ARIH2: variants seen among roughly 807,000 people sequenced by gnomAD.
ARIH2 encodes ariadne RBR E3 ubiquitin protein ligase 2, also known as E3 ubiquitin-protein ligase ARIH2.
In ARIH2, 12 loss-of-function variants were observed where a neutral mutation model predicts 79.8. The observed-to-expected ratio is 0.15, with a 90% CI of 0.10 to 0.24. ARIH2 has a LOEUF of 0.24. Among genes scored for constraint, ARIH2 ranks in the 10% least tolerant of loss-of-function variants. The probability of loss-of-function intolerance (pLI) is 1.00; values close to 1 mark genes in which losing one functional copy is unlikely to be tolerated. For missense variants in ARIH2, 301 were observed against 618.3 expected, an observed-to-expected ratio of 0.49 and a Z score of 5.44; for synonymous variants, 224 against 213.9, an observed-to-expected ratio of 1.05 and a Z score of -0.41.
chr3:48,922,377 C>G (rs907781839), intron 1 of ARIH2: 1 of 151,430 alleles, frequency 6.6e-6, no homozygotes, highest in Non-Finnish European at 1.5e-5. Flanking sequence ...GATCTCACCT[C>G]ACTGCAACCT....
intron 2 of ARIH2, chr3:48,927,227 C>T (rs1297027556): frequency 3.5e-6 from 1 of 288,374 alleles, no homozygotes; most frequent in East Asian, 8.3e-5. Context: ...CCTGTCATGC[C>T]AGGCCTTTCA....
intron 11 of ARIH2, among the ~76,000 whole-genome samples, chr3:48,978,640 C>G (rs944823596): frequency 6.6e-6 from 1 of 151,102 alleles, no homozygotes; most frequent in Non-Finnish European, 1.5e-5. Flanking sequence ...TGATTATGAA[C>G]CATTGGATAG....
intron 3 of ARIH2, among the ~76,000 whole-genome samples, chr3:48,956,607 CTTGATGTGGGGA>C: frequency 6.7e-6 from 1 of 150,102 alleles, no homozygotes; most frequent in Non-Finnish European, 1.5e-5. Flanking sequence ...TCACCCCCAC[CTTGATGTGGGGA>C]TCCCAGTAGT....
At chr3:48,969,416 CT>C (rs756103195) in intron 7 of ARIH2, among the ~76,000 whole-genome samples, 31 of 151,974 alleles carry the variant, frequency 2.0e-4, no homozygotes, top group African/African-American at 6.0e-4. Context: ...TTTTGGAGTC[CT>C]TTCCCTCTAT....
chr3:48,919,940 G>T (rs941626878), intron 1 of ARIH2, among the ~76,000 whole-genome samples: 2 of 151,750 alleles, frequency 1.3e-5, no homozygotes, highest in Non-Finnish European at 2.9e-5. Flanking sequence ...TGGTTGTTAG[G>T]TCCCCTGAAC....
At chr3:48,964,027 A>T (rs1035414628) in intron 4 of ARIH2, among the ~76,000 whole-genome samples, 3 of 150,774 alleles carry the variant, frequency 2.0e-5, no homozygotes, top group African/African-American at 4.9e-5. Context: ...TTTTATTTTT[A>T]TTTTTATTTT....
intron 4 of ARIH2, among the ~76,000 whole-genome samples, chr3:48,962,937 T>C (rs934842690): frequency 2.6e-5 from 4 of 152,088 alleles, no homozygotes; most frequent in African/African-American, 9.7e-5. Flanking sequence ...GGCACAACCT[T>C]GGCTCACTGC....
At chr3:48,921,803 G>A (rs2106797534) in intron 1 of ARIH2, among the ~76,000 whole-genome samples, 1 of 151,346 alleles carries the variant, frequency 6.6e-6, no homozygotes, top group South Asian at 2.1e-4. Context: ...CTAGACTGGA[G>A]TGTAGTGGCG....
At chr3:48,947,839 T>C (rs1465056017) in intron 3 of ARIH2, among the ~76,000 whole-genome samples, 1 of 152,254 alleles carries the variant, frequency 6.6e-6, no homozygotes, top group African/African-American at 2.4e-5. Flanking sequence ...TGCTAATCTG[T>C]TGCTGCATTT....
In ARIH2 at chr3:48,981,702, A is replaced by T; in HGVS notation, c.1300A>T (p.Met434Leu). The change falls in exon 14 of 16, where the codon ATG becomes TTG. Residue 434 changes from methionine (M) to leucine (L), a missense_variant. By Grantham distance (15) the Met-to-Leu change is conservative. Transcript: ENST00000356401. ...ATACACCTACCCATATGCATATTAC[A>T]TGGAGTCCGGACCCAGGAAGAAGCT... is the stretch of plus-strand genomic sequence containing the variant. ...LQYTYPYAYY[M>L]ESGPRKKLFE... 1.9e-6 allele frequency: 3 copies of T among 1,613,914 alleles called. No homozygotes were observed. Among genetic ancestry groups the T allele is most frequent in the Non-Finnish European group, 2.5e-6 (3 of 1,179,858 alleles).
At chr3:48,982,668 GGAGTGGACCTTTTGAGGGTC>G in intron 14 of ARIH2, 1 of 524,220 alleles carries the variant, frequency 1.9e-6, no homozygotes, top group Non-Finnish European at 3.4e-6. Context: ...TGTGGAGGGT[GGAGTGGACCTTTTGAGGGTC>G]GAGGGTGAAT....
At chr3:48,975,041 C>T in intron 11 of ARIH2, 62 bp downstream of exon 11, 3 of 1,613,954 alleles carry the variant, frequency 1.9e-6, no homozygotes, top group Non-Finnish European at 2.5e-6. Flanking sequence ...GTCTCCGTTA[C>T]TATTTAAGTG....
In ARIH2 at chr3:48,927,368, A is replaced by C; in HGVS notation, c.-97-94A>C. ...AGTTGGAATAGGCTGTAGTGAGATT[A>C]GGGCCAGGACTGTCCCATTTTGATT... On this transcript the variant is annotated intron_variant, in intron 2 of 15. Coordinates refer to ENST00000356401, the MANE Select transcript of ARIH2 (RefSeq NM_006321.4). 7 of 631,552 alleles carry C rather than the reference A, an allele frequency of 1.1e-5. No homozygotes were observed. The South Asian group carries it at 1.4e-4, about 13-fold the overall frequency. 39.1% of individuals were successfully genotyped at this position (631,552 alleles called of 1,614,324 possible). A position where few individuals can be genotyped will look rare whatever the true frequency, so the allele number is the denominator to read the frequency against.
intron 2 of ARIH2, among the ~76,000 whole-genome samples, chr3:48,925,848 A>G (rs1281939778): frequency 6.6e-6 from 1 of 151,478 alleles, no homozygotes; most frequent in East Asian, 1.9e-4. Context: ...CCACCTGAGT[A>G]GCTGGGGATT....
At chr3:48,954,056 G>A (rs975513500) in intron 3 of ARIH2, among the ~76,000 whole-genome samples, 1 of 152,084 alleles carries the variant, frequency 6.6e-6, no homozygotes, top group Non-Finnish European at 1.5e-5. Context: ...CGCTACTTGG[G>A]AGGCCGAGAC....
intron 1 of ARIH2, chr3:48,919,278 T>C (rs1189185071): frequency 4.5e-6 from 5 of 1,102,388 alleles, no homozygotes; most frequent in African/African-American, 1.6e-5. Context: ...AGGCCCTCTC[T>C]CCCTGTCTGG....
At chr3:48,929,005 CAAT>C (rs2106947261) in intron 3 of ARIH2, among the ~76,000 whole-genome samples, 1 of 152,276 alleles carries the variant, frequency 6.6e-6, no homozygotes, top group South Asian at 2.1e-4. Flanking sequence ...TGGTAGAAAA[CAAT>C]AATCGGGTTT....
intron 3 of ARIH2, among the ~76,000 whole-genome samples, chr3:48,932,311 G>A (rs1328903054): frequency 6.6e-6 from 1 of 152,210 alleles, no homozygotes; most frequent in Non-Finnish European, 1.5e-5. Context: ...GAGATGAAAT[G>A]ATTGCCAAGT....
intron 3 of ARIH2, among the ~76,000 whole-genome samples, chr3:48,936,263 C>G (rs1450509130): frequency 6.6e-6 from 1 of 151,940 alleles, no homozygotes; most frequent in Admixed American, 6.6e-5. Flanking sequence ...TTGTCTTCCC[C>G]AAAGAGGGAA....
Sources: gnomAD v4.1 joint callset for allele counts (sites outside exome capture counted in the v4.1 genomes callset) on GRCh38, gnomAD v4.1.1 for gene constraint, MANE v1.5 for transcripts, NCBI Gene and HGNC (gene_info 2026-07-23, HGNC 2026-07-21) for gene names.